The following ATP2A1 variants were observed in gnomAD, a reference collection of about 807,000 sequenced individuals.
ATP2A1 encodes ATPase sarcoplasmic/endoplasmic reticulum Ca2+ transporting 1, also known as sarcoplasmic/endoplasmic reticulum calcium ATPase 1.
A neutral mutation model predicts 109.5 loss-of-function variants in ATP2A1; 83 were observed. The ratio of observed to expected loss-of-function variants is 0.76; its 90% CI spans 0.63 to 0.91. The LOEUF is 0.91. Among genes scored for constraint, ATP2A1 ranks in the 40% least tolerant of loss-of-function variants. The probability of loss-of-function intolerance (pLI) is 0.00; values close to 1 mark genes in which losing one functional copy is unlikely to be tolerated. For missense variants in ATP2A1, 1,101 were observed against 1,341.0 expected, an observed-to-expected ratio of 0.82 and a Z score of 2.80; for synonymous variants, 505 against 537.6, an observed-to-expected ratio of 0.94 and a Z score of 0.84.
chr16:28,896,688 G>A (rs1963926580), intron 12 of ATP2A1, among the ~76,000 whole-genome samples: 2 of 151,460 alleles, frequency 1.3e-5, no homozygotes, highest in South Asian at 2.1e-4. Context: ...TGGGATTACA[G>A]GCGTGAGCCA....
rs1964158544 is a variant in ATP2A1 at position 28,903,638 on chromosome 16, C to G, written c.2981-62C>G. 7.9e-6 allele frequency: 11 copies of G among 1,400,564 alleles called. No homozygotes were observed. Among genetic ancestry groups the G allele is most frequent in the Non-Finnish European group, 1.0e-5 (10 of 985,248 alleles). The allele number at this position is 1,400,564 out of a possible 1,614,324, so 86.8% of individuals were successfully genotyped here. On this transcript the variant is annotated intron_variant, in intron 21 of 22. Coordinates refer to ENST00000395503, the MANE Select transcript of ATP2A1 (RefSeq NM_004320.6). This position sits in a 1 kb window ranked among gnomAD's most constrained non-coding sequence, Gnocchi z 5.6. ...ACTGCCTCCTCAGCCCCCACAGCCC[C>G]TATAGCCCCCATGCCACCTCCCTGC...
chr16:28,898,257 C>G lies in ATP2A1; in HGVS notation c.1570C>G (p.Arg524Gly). ...VKGAPEGVID[R>G]CNYVRVGTTR... ...GGGTGCCCCTGAGGGCGTCATCGAC[C>G]GCTGTAACTATGTGCGAGTTGGCAC... The change falls in exon 14 of 23, where the codon CGC becomes GGC. Residue 524 changes from arginine to glycine, a missense_variant. By Grantham distance (125) the Arg-to-Gly change is moderately radical. Transcript: ENST00000395503. This position sits in a 1 kb window ranked among gnomAD's most constrained non-coding sequence, Gnocchi z 4.0. The G allele has an allele frequency of 6.2e-7, 1 of 1,614,208 alleles. No homozygotes were observed. Among genetic ancestry groups the G allele is most frequent in the Non-Finnish European group, 8.5e-7 (1 of 1,180,044 alleles).
chr16:28,898,742 TAA>T lies in ATP2A1; in HGVS notation c.1764+300_1764+301del, dbSNP rs1555516760. On this transcript the variant is annotated intron_variant, in intron 14 of 22. Transcript: ENST00000395503. This position sits in a 1 kb window ranked among gnomAD's most constrained non-coding sequence, Gnocchi z 4.0. Reference sequence around the variant, plus strand: ...AATGAAGTGAGAACCCCATCTCTATTAAAAAAAAAATTTTTTTAATTACCTGG... The same window carrying T: ...AATGAAGTGAGAACCCCATCTCTATTAAAAAAAATTTTTTTAATTACCTGG... Among the ~76,000 whole-genome samples the T allele has an allele frequency of 7.5e-6, 1 of 133,964 alleles. No individual in the cohort carries two copies. The highest frequency in any genetic ancestry group is 1.7e-5 in the Non-Finnish European group (1 of 58,848). The allele number at this position is 133,964 out of a possible 152,430, so 87.9% of individuals were successfully genotyped here.
Position 28,880,726 on chromosome 16 carries a change from G to T in ATP2A1, c.220-189G>T, listed in dbSNP as rs1314194435. The stretch of plus-strand genomic sequence containing the variant: ...CGCGCCCATCCCGCTGAGTAAGGCG[G>T]TGGCAGGACCTGCAGTGGATGGACA... On this transcript the variant is annotated intron_variant, in intron 3 of 22. Coordinates refer to ENST00000395503, the MANE Select transcript of ATP2A1 (RefSeq NM_004320.6). The surrounding 1 kb of genome is among the most constrained non-coding windows in gnomAD (Gnocchi z 4.2). Among the ~76,000 whole-genome samples, 1 of 152,252 alleles carries T rather than the reference G, an allele frequency of 6.6e-6. No homozygotes were observed. The highest frequency in any genetic ancestry group is 2.4e-5 in the African/African-American group (1 of 41,466).
chr16:28,898,503 C>G lies in ATP2A1; in HGVS notation c.1764+52C>G. 6.4e-7 allele frequency: 1 copy of G among 1,564,968 alleles called. No homozygotes were observed. The highest frequency in any genetic ancestry group is 8.7e-7 in the Non-Finnish European group (1 of 1,151,366). On this transcript the variant is annotated intron_variant, in intron 14 of 22. Transcript: ENST00000395503. The surrounding 1 kb of genome is among the most constrained non-coding windows in gnomAD (Gnocchi z 4.0). ...CGTGGAGCTGGTGAAGGGCCGGGTCCCAGCCATCCACTCACAGCTCCACCA... is the reference window on the plus strand; with the variant it reads ...CGTGGAGCTGGTGAAGGGCCGGGTCGCAGCCATCCACTCACAGCTCCACCA...
At chr16:28,881,052 C>T (rs372485171) in intron 4 of ATP2A1, 33 bp downstream of exon 4, 73 of 1,597,030 alleles carry the variant, frequency 4.6e-5, no homozygotes, top group Admixed American at 1.2e-4. Context: ...CCCTTCATGT[C>T]CCAACAGTGA....
In ATP2A1 at chr16:28,898,999, A is replaced by AACACAC. The variant is rs142994822; in HGVS notation, c.1764+562_1764+567dup. ...CCTGTCTCTAAAAACAAAAAACAAA[A>AACACAC]ACACACACACACACACACAAAAGAG... On this transcript the variant is annotated intron_variant, in intron 14 of 22. Transcript: ENST00000395503. The surrounding 1 kb of genome is among the most constrained non-coding windows in gnomAD (Gnocchi z 4.0). 6.6e-6 allele frequency among the ~76,000 whole-genome samples: 1 copy of AACACAC among 150,510 alleles called. No individual in the cohort carries two copies. The highest frequency in any genetic ancestry group is 2.4e-5 in the African/African-American group (1 of 40,962).
chr16:28,889,216 A>G (rs890023577), intron 9 of ATP2A1, among the ~76,000 whole-genome samples: 1 of 152,056 alleles, frequency 6.6e-6, no homozygotes, highest in Non-Finnish European at 1.5e-5. Flanking sequence ...ACAATAGCCC[A>G]TTCAGAGGAT....
intron 2 of ATP2A1, 23 bp downstream of exon 2, chr16:28,879,139 C>G (rs367969170): frequency 6.2e-7 from 1 of 1,613,776 alleles, no homozygotes; most frequent in Admixed American, 1.7e-5. Flanking sequence ...AATCCCTGAA[C>G]TCTCATAAAT....
In ATP2A1 at chr16:28,888,779, C is replaced by T. The variant is rs375942063; in HGVS notation, c.929-8C>T. The T allele has an allele frequency of 6.3e-7, 1 of 1,580,312 alleles. No individual in the cohort carries two copies. The highest frequency in any genetic ancestry group is 8.7e-7 in the Non-Finnish European group (1 of 1,155,198). ...AGGTTCCCTCACACCCTCCCTCCCTCCCCACAGGTCTTCCTGCAGTCATCA... is the reference window on the plus strand; with the variant it reads ...AGGTTCCCTCACACCCTCCCTCCCTTCCCACAGGTCTTCCTGCAGTCATCA... On this transcript the variant is annotated splice_polypyrimidine_tract_variant and splice_region_variant and intron_variant, in intron 8 of 22. Coordinates refer to ENST00000395503, the MANE Select transcript of ATP2A1 (RefSeq NM_004320.6).
intron 9 of ATP2A1, among the ~76,000 whole-genome samples, chr16:28,891,554 C>T (rs534354641): frequency 5.4e-5 from 7 of 130,580 alleles, no homozygotes; most frequent in African/African-American, 2.2e-4. Flanking sequence ...CGTGCCATTG[C>T]ACTCCAGCCT....
At chr16:28,882,871 C>T (rs1207005992) in intron 5 of ATP2A1, among the ~76,000 whole-genome samples, 1 of 152,214 alleles carries the variant, frequency 6.6e-6, no homozygotes, top group Non-Finnish European at 1.5e-5. Context: ...CAGGTGGAAC[C>T]CGGTCCCTGC....
rs562406582 is a variant in ATP2A1, at chr16:28,888,086, C to A, written c.928+364C>A. ...AAAGTGCTGGGATTACAGGCGTGAG[C>A]CACCGCACCCGGCCTTGCTCAGTGC... On this transcript the variant is annotated intron_variant, in intron 8 of 22. Transcript: ENST00000395503. Among the ~76,000 whole-genome samples the A allele has an allele frequency of 5.9e-5, 9 of 152,112 alleles. No homozygotes were observed. In the South Asian group the frequency reaches 1.5e-3, roughly 25 times the overall value.
rs779844317 is a variant in ATP2A1, at chr16:28,887,515, G to C, written c.721G>C (p.Ala241Pro). The C allele has an allele frequency of 6.2e-7, 1 of 1,614,102 alleles. No homozygotes were observed. Among genetic ancestry groups the C allele is most frequent in the South Asian group, 1.1e-5 (1 of 91,070 alleles). ...TGGGAAGATCCGAGACCAAATGGCTGCCACAGAACAGGACAAGACCCCCTT... is the reference window on the plus strand; with the variant it reads ...TGGGAAGATCCGAGACCAAATGGCTCCCACAGAACAGGACAAGACCCCCTT... Reference protein sequence around the residue: ...EIGKIRDQMAATEQDKTPLQQ... With the variant: ...EIGKIRDQMAPTEQDKTPLQQ... Residue 241 changes from alanine (A) to proline (P), a missense_variant, in exon 8 of 23, where the codon GCC (alanine) becomes CCC (proline). Ala to Pro is a conservative substitution (Grantham distance 27, BLOSUM62 -1). Transcript: ENST00000395503.
rs112433619 is a variant in ATP2A1 at position 28,895,386 on chromosome 16, T to C, written c.1419+433T>C. Among the ~76,000 whole-genome samples the C allele has an allele frequency of 9.4e-3, 1,438 of 152,330 alleles. 25 individuals carry two copies. The highest frequency in any genetic ancestry group is 0.033 in the African/African-American group (1,380 of 41,572). ...TTGCCCAGATGAACCCGGCCACTTC[T>C]AGGACTGTCACTCCCAGTTATTGCT... is the stretch of plus-strand genomic sequence containing the variant. On this transcript the variant is annotated intron_variant, in intron 12 of 22. Transcript: ENST00000395503.
chr16:28,887,437 G>T lies in ATP2A1; in HGVS notation c.643G>T (p.Ala215Ser), dbSNP rs1490140912. The change falls in exon 8 of 23, where the codon GCA becomes TCA. Residue 215 changes from alanine to serine, a missense_variant. Coordinates refer to ENST00000395503, the MANE Select transcript of ATP2A1 (RefSeq NM_004320.6). Reference protein sequence around the residue: ...KNMLFSGTNIAAGKALGIVAT... With the variant: ...KNMLFSGTNISAGKALGIVAT... ...TTTCCCTTCCCAGGGCACCAACATT[G>T]CAGCCGGCAAGGCCTTGGGCATCGT... 3.1e-6 allele frequency: 5 copies of T among 1,613,910 alleles called. No individual in the cohort carries two copies. The highest frequency in any genetic ancestry group is 4.2e-6 in the Non-Finnish European group (5 of 1,180,022).
Position 28,903,846 on chromosome 16 carries a change from A to G in ATP2A1, c.*37+105A>G. The G allele has an allele frequency of 1.8e-6, 2 of 1,129,858 alleles. No homozygotes were observed. Among genetic ancestry groups the G allele is most frequent in the South Asian group, 1.3e-5 (1 of 79,450 alleles). 70.0% of individuals were successfully genotyped at this position (1,129,858 alleles called of 1,614,324 possible). A position where few individuals can be genotyped will look rare whatever the true frequency, so the allele number is the denominator to read the frequency against. ...CAAGGTCACTTGTGCTCGCAGCTCC[A>G]CCTGGAGCCGTTGCCACTGCTGCTG... On this transcript the variant is annotated intron_variant, in intron 22 of 22. Coordinates refer to ENST00000395503, the MANE Select transcript of ATP2A1 (RefSeq NM_004320.6). This position sits in a 1 kb window ranked among gnomAD's most constrained non-coding sequence, Gnocchi z 5.6.
chr16:28,882,713 G>T lies in ATP2A1; in HGVS notation c.463+124G>T. ...GATGACGGAGTCTGCTTCTCTTTCC[G>T]ACTCCTCAGAAGGTCATCCCAGGCC... On this transcript the variant is annotated intron_variant, in intron 5 of 22. Coordinates refer to ENST00000395503, the MANE Select transcript of ATP2A1 (RefSeq NM_004320.6). The T allele has an allele frequency of 2.8e-6, 4 of 1,449,264 alleles. No homozygotes were observed. The South Asian group carries it at 5.2e-5, about 19-fold the overall frequency. The allele number at this position is 1,449,264 out of a possible 1,614,324, so 89.8% of individuals were successfully genotyped here.
At chr16:28,891,596 A>AG (rs1963776102) in intron 9 of ATP2A1, among the ~76,000 whole-genome samples, 1 of 142,734 alleles carries the variant, frequency 7.0e-6, no homozygotes, top group Non-Finnish European at 1.5e-5. Flanking sequence ...TCTCAAAAAA[A>AG]AAAAAAAAAA....
Sources: allele counts gnomAD v4.1 joint callset (sites outside exome capture counted in the v4.1 genomes callset), GRCh38; gene constraint gnomAD v4.1.1; non-coding constraint Gnocchi (gnomAD v3.1); transcripts MANE v1.5; gene names NCBI Gene and HGNC (gene_info 2026-07-23, HGNC 2026-07-21).